PCDH7: variants seen among roughly 807,000 people sequenced by gnomAD.
PCDH7 encodes protocadherin-7.
Under a neutral mutation model 58.9 loss-of-function variants are expected in PCDH7, and 17 were observed. The ratio of observed to expected loss-of-function variants is 0.29; its 90% CI spans 0.20 to 0.43. The LOEUF (loss-of-function observed/expected upper bound fraction) is 0.43. PCDH7 is among the 20% of genes least tolerant of loss of function. The pLI is 1.00. For synonymous variants in PCDH7, 664 were observed against 616.4 expected, an observed-to-expected ratio of 1.08 and a Z score of -1.14; for missense variants, 1,274 against 1,441.0, an observed-to-expected ratio of 0.88 and a Z score of 1.88.
At chr4:31,107,469 T>C (rs1169992229) in intron 3 of PCDH7, among the ~76,000 whole-genome samples, 1 of 152,176 alleles carries the variant, frequency 6.6e-6, no homozygotes, top group African/African-American at 2.4e-5. Context: ...TCAAAAGCAA[T>C]CTCCTGCTTG....
chr4:30,988,131 A>G (rs1380711341), intron 3 of PCDH7, among the ~76,000 whole-genome samples: 1 of 152,224 alleles, frequency 6.6e-6, no homozygotes, highest in African/African-American at 2.4e-5. Context: ...CAGTTTGGCC[A>G]TCTGAATCAC....
intron 1 of PCDH7, among the ~76,000 whole-genome samples, chr4:30,842,598 G>A (rs10027054): frequency 0.29 from 44,293 of 151,938 alleles, 7,928 homozygotes; most frequent in African/African-American, 0.51. Flanking sequence ...GTGAATTAAT[G>A]ATGAAAGTTA....
intron 1 of PCDH7, among the ~76,000 whole-genome samples, chr4:30,796,464 T>C (rs921247895): frequency 1.3e-5 from 2 of 152,182 alleles, no homozygotes; most frequent in African/African-American, 2.4e-5. Context: ...TGTACTGCTG[T>C]GATAACTGAT....
At chr4:30,744,303 A>G (rs1310720738) in intron 1 of PCDH7, among the ~76,000 whole-genome samples, 1 of 152,212 alleles carries the variant, frequency 6.6e-6, no homozygotes. Context: ...CAAGTTTCCA[A>G]CATTCCTTGA....
At chr4:31,075,206 A>G (rs1245150264) in intron 3 of PCDH7, among the ~76,000 whole-genome samples, 1 of 152,094 alleles carries the variant, frequency 6.6e-6, no homozygotes, top group Non-Finnish European at 1.5e-5. Context: ...TCTCTGTTCT[A>G]TAATCATGAA....
At chr4:30,749,288 CT>C (rs1718184629) in intron 1 of PCDH7, among the ~76,000 whole-genome samples, 1 of 152,158 alleles carries the variant, frequency 6.6e-6, no homozygotes, top group Non-Finnish European at 1.5e-5. Context: ...GAATTCATAA[CT>C]TTTTTCATGG....
intron 3 of PCDH7, among the ~76,000 whole-genome samples, chr4:30,986,351 T>C (rs1244381198): frequency 6.6e-6 from 1 of 152,172 alleles, no homozygotes; most frequent in Non-Finnish European, 1.5e-5. Context: ...CTCCTGAGAA[T>C]AATTATTTCC....
intron 1 of PCDH7, among the ~76,000 whole-genome samples, chr4:30,789,162 A>G (rs1577810702): frequency 6.6e-6 from 1 of 152,172 alleles, no homozygotes; most frequent in South Asian, 2.1e-4. Flanking sequence ...TGAAGCAAGC[A>G]GTACCCAAGT....
intron 3 of PCDH7, among the ~76,000 whole-genome samples, chr4:31,077,345 G>C (rs1759086528): frequency 6.7e-6 from 1 of 148,350 alleles, no homozygotes; most frequent in Admixed American, 6.8e-5. Context: ...GGAGGCAGAG[G>C]TTGCAGTGAG....
intron 1 of PCDH7, among the ~76,000 whole-genome samples, chr4:30,875,275 C>G (rs1380463168): frequency 1.3e-5 from 2 of 151,932 alleles, no homozygotes; most frequent in African/African-American, 2.4e-5. Context: ...TCCAAATTCC[C>G]CCCTTCTTAA....
intron 2 of PCDH7, 84 bp downstream of exon 2, chr4:30,920,453 A>C (rs1743049580): frequency 2.2e-6 from 2 of 911,918 alleles, no homozygotes; most frequent in Non-Finnish European, 3.1e-6. Flanking sequence ...CTAAAACCAA[A>C]ATAAAATAGC....
intron 3 of PCDH7, among the ~76,000 whole-genome samples, chr4:30,969,851 A>G (rs1227550299): frequency 6.6e-6 from 1 of 152,214 alleles, no homozygotes; most frequent in Non-Finnish European, 1.5e-5. Flanking sequence ...CTAGAAGCTG[A>G]GACACTAGGC....
chr4:31,071,310 GT>G (rs1758525512), intron 3 of PCDH7, among the ~76,000 whole-genome samples: 2 of 151,882 alleles, frequency 1.3e-5, no homozygotes, highest in African/African-American at 2.4e-5. Context: ...ATTCTATCAT[GT>G]TTACTGTGTA....
intron 2 of PCDH7, among the ~76,000 whole-genome samples, chr4:30,933,444 C>T (rs532578995): frequency 1.3e-5 from 2 of 152,202 alleles, no homozygotes; most frequent in Admixed American, 6.5e-5. Context: ...TTTCAGTGTC[C>T]GCTACTAACC....
intron 2 of PCDH7, among the ~76,000 whole-genome samples, chr4:30,943,093 A>G (rs1305189094): frequency 6.6e-6 from 1 of 152,002 alleles, no homozygotes; most frequent in African/African-American, 2.4e-5. Flanking sequence ...TGAGTTTCCA[A>G]GGTAGTTTAT....
intron 1 of PCDH7, among the ~76,000 whole-genome samples, chr4:30,855,019 C>G (rs1018181903): frequency 3.3e-5 from 5 of 152,128 alleles, no homozygotes; most frequent in Admixed American, 3.3e-4. Flanking sequence ...GCTCAAGCTT[C>G]TTTTCTTCTA....
At chr4:31,116,969 G>A (rs2109318542) in intron 3 of PCDH7, among the ~76,000 whole-genome samples, 1 of 152,198 alleles carries the variant, frequency 6.6e-6, no homozygotes, top group South Asian at 2.1e-4. Flanking sequence ...CTGAGTAGCT[G>A]GGATTACAGG....
intron 2 of PCDH7, chr4:30,935,332 T>G: frequency 1.0e-6 from 1 of 983,208 alleles, no homozygotes; most frequent in Non-Finnish European, 1.2e-6. Context: ...TGGCCTCATA[T>G]TTAGCTGTAA....
intron 1 of PCDH7, among the ~76,000 whole-genome samples, chr4:30,908,702 G>A (rs1485933063): frequency 1.3e-5 from 2 of 152,008 alleles, no homozygotes; most frequent in Non-Finnish European, 2.9e-5. Context: ...TTCTACCAGA[G>A]GTACAAAGAG....
Sources: allele counts gnomAD v4.1 joint callset (sites outside exome capture counted in the v4.1 genomes callset), GRCh38; gene constraint gnomAD v4.1.1; transcripts MANE v1.5; gene names NCBI Gene and HGNC (gene_info 2026-07-23, HGNC 2026-07-21).